GALNT5: variants seen among roughly 807,000 people sequenced by gnomAD.
GALNT5 encodes the protein UDP-GalNAc:polypeptide N-acetylgalactosaminyltransferase 5.
GALNT5 carries 72 observed loss-of-function variants against 85.4 expected under a neutral mutation model. That is an observed-to-expected ratio of 0.84 (90% CI 0.70 to 1.03). The LOEUF (loss-of-function observed/expected upper bound fraction) is 1.03. Ranked by LOEUF, GALNT5 falls within the 50% of genes least tolerant of loss-of-function variation. The probability of loss-of-function intolerance (pLI) is 0.00; values close to 1 mark genes in which losing one functional copy is unlikely to be tolerated. For missense variants in GALNT5, 1,137 were observed against 1,135.5 expected (o/e 1.00, Z -0.02); for synonymous variants, 404 against 397.0 (o/e 1.02, Z -0.21).
At position 157,316,121 on chromosome 2, in the gene GALNT5, G is replaced by A. The variant is rs1295389607; in HGVS notation, c.*4773G>A. On this transcript the variant is annotated 3_prime_UTR_variant, in exon 10 of 10. Transcript: ENST00000259056. ...GGCTGTCACCATGACATTTGCACAC[G>A]TGGCTTCACTTCACCAGTGCCATGT... is the stretch of plus-strand genomic sequence containing the variant. Among the ~76,000 whole-genome samples, 5 of 151,602 alleles carry A rather than the reference G, an allele frequency of 3.3e-5. No individual in the cohort carries two copies. In the East Asian group the frequency reaches 7.8e-4, roughly 24 times the overall value.
chr2:157,312,043 T>A lies in GALNT5; in HGVS notation c.*695T>A, dbSNP rs151326996. On this transcript the variant is annotated 3_prime_UTR_variant, in exon 10 of 10. Transcript: ENST00000259056. ...TTCTAGGTATGAACACTATTTCAGT[T>A]CATTTTGTGCTTTTAAAACTACAGT... 6.6e-6 allele frequency: 1 copy of A among 152,324 alleles called. No individual in the cohort carries two copies. The highest frequency in any genetic ancestry group is 1.5e-5 in the Non-Finnish European group (1 of 68,024). The allele number at this position is 152,324 out of a possible 1,614,324, so 9.4% of individuals were successfully genotyped here.
At chr2:157,308,249 A>G (rs1412746509) in intron 8 of GALNT5, among the ~76,000 whole-genome samples, 6 of 152,242 alleles carry the variant, frequency 3.9e-5, no homozygotes, top group Non-Finnish European at 7.3e-5. Context: ...GACAGAATTA[A>G]TTGCACTGAA....
chr2:157,303,764 G>A (rs569767552), intron 7 of GALNT5, among the ~76,000 whole-genome samples: 2 of 152,244 alleles, frequency 1.3e-5, no homozygotes, highest in African/African-American at 4.8e-5. Context: ...ACATGTAAGG[G>A]ACAGAAAAGT....
At chr2:157,284,046 C>A (rs190535795) in intron 1 of GALNT5, among the ~76,000 whole-genome samples, 1 of 152,132 alleles carries the variant, frequency 6.6e-6, no homozygotes, top group African/African-American at 2.4e-5. Flanking sequence ...ATAACAACCA[C>A]GGTTACGGGT....
At position 157,258,623 on chromosome 2, in the gene GALNT5, G is replaced by A; in HGVS notation, c.541G>A (p.Val181Ile). The A allele has an allele frequency of 6.2e-7, 1 of 1,613,732 alleles. No individual in the cohort carries two copies. The highest frequency in any genetic ancestry group is 8.5e-7 in the Non-Finnish European group (1 of 1,179,958). Reference sequence around the variant, plus strand: ...ATTCATAGCAGCAAAAGGAACTCAGGTAGTCAAAATATCAGTACACATGGG... The same window carrying A: ...ATTCATAGCAGCAAAAGGAACTCAGATAGTCAAAATATCAGTACACATGGG... Reference protein sequence around the residue: ...TSFIAAKGTQVVKISVHMGRV... With the variant: ...TSFIAAKGTQIVKISVHMGRV... The change falls in exon 1 of 10, where the codon GTA (valine) becomes ATA (isoleucine). Residue 181 changes from valine (V) to isoleucine (I), a missense_variant. Val to Ile is a conservative substitution (Grantham distance 29). Coordinates refer to ENST00000259056, the MANE Select transcript of GALNT5 (RefSeq NM_014568.3).
At position 157,258,671 on chromosome 2, in the gene GALNT5, C is replaced by T; in HGVS notation, c.589C>T (p.Pro197Ser). 1 of 1,613,654 alleles carries T rather than the reference C, an allele frequency of 6.2e-7. No homozygotes were observed. The change falls in exon 1 of 10, where the codon CCC becomes TCC. Residue 197 changes from proline (P) to serine (S), a missense_variant. Physicochemically the swap from Pro to Ser is moderately conservative, Grantham distance 74 (BLOSUM62 -1). Coordinates refer to ENST00000259056, the MANE Select transcript of GALNT5 (RefSeq NM_014568.3). The stretch of plus-strand genomic sequence containing the variant: ...GGGACGTGTCAGTTTAAAACAGGAG[C>T]CCCGGAAGAGTCATAGTCCCAGCAG... The part of the protein sequence containing the change: ...HMGRVSLKQE[P>S]RKSHSPSSDT...
chr2:157,298,461 T>C (rs1217012845), intron 5 of GALNT5, among the ~76,000 whole-genome samples: 1 of 152,194 alleles, frequency 6.6e-6, no homozygotes, highest in African/African-American at 2.4e-5. Flanking sequence ...TCCCTTCATC[T>C]GCACAGGGCG....
At chr2:157,274,353 G>GTA (rs1682670372) in intron 1 of GALNT5, among the ~76,000 whole-genome samples, 1 of 152,182 alleles carries the variant, frequency 6.6e-6, no homozygotes, top group Non-Finnish European at 1.5e-5. Context: ...GGGATCACTG[G>GTA]TATTTCTATG....
intron 3 of GALNT5, among the ~76,000 whole-genome samples, chr2:157,287,097 T>A (rs924534780): frequency 7.2e-5 from 11 of 152,288 alleles, no homozygotes; most frequent in African/African-American, 2.6e-4. Flanking sequence ...AAGAGGCATA[T>A]AATATAACAT....
In GALNT5 at chr2:157,311,198, T is replaced by C. The variant is rs757617739; in HGVS notation, c.2683-10T>C. 8.1e-6 allele frequency: 13 copies of C among 1,604,290 alleles called. No homozygotes were observed. The highest frequency in any genetic ancestry group is 1.3e-5 in the African/African-American group (1 of 74,430). On this transcript the variant is annotated splice_polypyrimidine_tract_variant and intron_variant, in intron 9 of 9. Coordinates refer to ENST00000259056, the MANE Select transcript of GALNT5 (RefSeq NM_014568.3). Reference sequence around the variant, plus strand: ...CCTGTGGCTCATTCCCAGCTCTTCTTTCTCTCCAGGTGAATCACATTGTTT... The same window carrying C: ...CCTGTGGCTCATTCCCAGCTCTTCTCTCTCTCCAGGTGAATCACATTGTTT...
chr2:157,286,893 A>AGTGT (rs3072178), intron 3 of GALNT5, among the ~76,000 whole-genome samples: 11,743 of 135,794 alleles, frequency 0.086, 714 homozygotes, highest in African/African-American at 0.17. Flanking sequence ...TTTAAATACC[A>AGTGT]GTGTGTGTGT....
rs1682228874 is a variant in GALNT5 at position 157,258,124 on chromosome 2, C to T, written c.42C>T (p.Val14=). The T allele has an allele frequency of 1.9e-6, 3 of 1,614,064 alleles. No individual in the cohort carries two copies. Among genetic ancestry groups the T allele is most frequent in the East Asian group, 2.2e-5 (1 of 44,850 alleles). The change falls in exon 1 of 10, where the codon GTC becomes GTT. Residue 14 remains valine, a synonymous_variant. Coordinates refer to ENST00000259056, the MANE Select transcript of GALNT5 (RefSeq NM_014568.3). ...IRKFFRGSGR[V]LAFIFVASVI... ...AGTTTTTCCGAGGAAGTGGGCGAGTCTTGGCATTTATCTTTGTAGCTTCTG... is the reference window on the plus strand; with the variant it reads ...AGTTTTTCCGAGGAAGTGGGCGAGTTTTGGCATTTATCTTTGTAGCTTCTG...
At chr2:157,282,912 G>A (rs1682887448) in intron 1 of GALNT5, among the ~76,000 whole-genome samples, 1 of 152,128 alleles carries the variant, frequency 6.6e-6, no homozygotes, top group Non-Finnish European at 1.5e-5. Context: ...ATAGCACTTT[G>A]GCAACACTAG....
At chr2:157,304,733 G>A (rs144617288) in intron 7 of GALNT5, among the ~76,000 whole-genome samples, 13 of 152,074 alleles carry the variant, frequency 8.5e-5, no homozygotes, top group African/African-American at 1.4e-4. Flanking sequence ...AATTTTTTCC[G>A]CATATTCTGA....
intron 3 of GALNT5, among the ~76,000 whole-genome samples, chr2:157,293,839 C>T (rs1037132): frequency 0.73 from 110,679 of 152,184 alleles, 45,484 homozygotes; most frequent in Non-Finnish European, 0.92. Context: ...CTTCTCATAC[C>T]CAAAGCTCTG....
At chr2:157,279,342 C>G (rs750306494) in intron 1 of GALNT5, among the ~76,000 whole-genome samples, 61 of 152,218 alleles carry the variant, frequency 4.0e-4, no homozygotes, top group Non-Finnish European at 7.8e-4. Context: ...CTGGGAGAAC[C>G]ACTGCTCTTT....
rs1683721930 is a variant in GALNT5, at chr2:157,317,080, T to A, written c.*5732T>A. On this transcript the variant is annotated 3_prime_UTR_variant, in exon 10 of 10. Transcript: ENST00000259056. ...GCATCTATATAATAAACCCTTTATA[T>A]TAGATGTTAAATTAAAATTTTTCAT... Among the ~76,000 whole-genome samples the A allele has an allele frequency of 6.6e-6, 1 of 151,244 alleles. No homozygotes were observed. Among genetic ancestry groups the A allele is most frequent in the Non-Finnish European group, 1.5e-5 (1 of 67,766 alleles).
chr2:157,307,533 C>T (rs1683479159), intron 8 of GALNT5, among the ~76,000 whole-genome samples: 1 of 152,150 alleles, frequency 6.6e-6, no homozygotes, highest in East Asian at 1.9e-4. Flanking sequence ...TCACGTGAAT[C>T]ACCTGGGGAG....
At chr2:157,262,738 T>C (rs979817598) in intron 1 of GALNT5, among the ~76,000 whole-genome samples, 3 of 151,508 alleles carry the variant, frequency 2.0e-5, no homozygotes, top group Non-Finnish European at 2.9e-5. Context: ...AGATTCTCTT[T>C]TCCAAACCTG....
Sources: gnomAD v4.1 joint callset for allele counts (sites outside exome capture counted in the v4.1 genomes callset) on GRCh38, gnomAD v4.1.1 for gene constraint, MANE v1.5 for transcripts, NCBI Gene and HGNC (gene_info 2026-07-23, HGNC 2026-07-21) for gene names.